The following USP40 variants were observed in gnomAD, a reference collection of about 807,000 sequenced individuals.
USP40 encodes the protein ubiquitin carboxyl-terminal hydrolase 40.
USP40 carries 143 observed loss-of-function variants against 166.2 expected under a neutral mutation model. The observed-to-expected ratio is 0.86, with a 90% CI of 0.75 to 0.99. The LOEUF (loss-of-function observed/expected upper bound fraction) is 0.99. Among genes scored for constraint, USP40 ranks in the 50% least tolerant of loss-of-function variants. The pLI is 0.00. For synonymous variants in USP40, 498 were observed against 524.0 expected (o/e 0.95, Z 0.68); for missense variants, 1,444 against 1,479.7 (o/e 0.98, Z 0.40).
Position 233,510,119 on chromosome 2 carries a change from G to C in USP40, c.2543C>G (p.Ala848Gly). The C allele has an allele frequency of 6.2e-7, 1 of 1,601,342 alleles. No homozygotes were observed. Among genetic ancestry groups the C allele is most frequent in the Non-Finnish European group, 8.5e-7 (1 of 1,173,422 alleles). Residue 848 changes from alanine to glycine, a missense_variant, in exon 21 of 32, where the codon GCA (alanine) becomes GGA (glycine). By Grantham distance (60) the Ala-to-Gly change is moderately conservative (BLOSUM62 0). Transcript: ENST00000678225. ...PSSSQLFLFF[A>G]MGSDVQPGTE... is the part of the protein sequence containing the mutation. The stretch of plus-strand genomic sequence containing the variant: ...CCCAGGTTGAACGTCACTCCCCATT[G>C]CAAAAAACAGGAACAACTAATAACA...
intron 21 of USP40, among the ~76,000 whole-genome samples, chr2:233,503,216 A>G (rs2066195948): frequency 6.6e-6 from 1 of 152,326 alleles, no homozygotes; most frequent in Non-Finnish European, 1.5e-5. Context: ...GAAATAACCC[A>G]GTCAGAAGAA....
chr2:233,559,668 G>T, intron 4 of USP40, 143 bp downstream of exon 4: 1 of 514,778 alleles, frequency 1.9e-6, no homozygotes, highest in South Asian at 4.5e-5. Context: ...TTTCTGGCTT[G>T]TAATTTTTTA....
In USP40 at chr2:233,500,001, ATT is replaced by A. The variant is rs1334560440; in HGVS notation, c.2614-88_2614-87del. ...AACACCCTTTTTGGACCCTAGGCCT[ATT>A]TAAGTCTGACTATATTTAATGATTC... is the stretch of plus-strand genomic sequence containing the variant. On this transcript the variant is annotated intron_variant, in intron 21 of 31. Transcript: ENST00000678225. 5 of 1,109,144 alleles carry A rather than the reference ATT, an allele frequency of 4.5e-6. No homozygotes were observed. In the South Asian group the frequency reaches 7.4e-5, roughly 16 times the overall value. 68.7% of individuals were successfully genotyped at this position (1,109,144 alleles called of 1,614,324 possible). A position where few individuals can be genotyped will look rare whatever the true frequency, so the allele number is the denominator to read the frequency against.
intron 19 of USP40, 166 bp downstream of exon 19, chr2:233,512,403 T>C (rs2066900119): frequency 5.2e-6 from 2 of 383,002 alleles, no homozygotes; most frequent in Non-Finnish European, 9.6e-6. Context: ...TGTTTGTTTC[T>C]GGTTAAGGAT....
intron 30 of USP40, among the ~76,000 whole-genome samples, chr2:233,484,153 G>A (rs1457655391): frequency 1.3e-5 from 2 of 152,170 alleles, no homozygotes; most frequent in African/African-American, 4.8e-5. Context: ...GCGAGATACT[G>A]TCTCAACAAC....
At chr2:233,536,946 A>G (rs981403536) in intron 10 of USP40, among the ~76,000 whole-genome samples, 1 of 151,984 alleles carries the variant, frequency 6.6e-6, no homozygotes, top group African/African-American at 2.4e-5. Context: ...AGTGCAGTGC[A>G]TGATCATAGC....
intron 21 of USP40, among the ~76,000 whole-genome samples, chr2:233,508,422 T>C (rs2066579615): frequency 6.6e-6 from 1 of 152,252 alleles, no homozygotes; most frequent in South Asian, 2.1e-4. Flanking sequence ...ATTTGGCTAA[T>C]TGCAGACCTG....
At chr2:233,538,837 G>T (rs930834607) in intron 10 of USP40, among the ~76,000 whole-genome samples, 1 of 152,000 alleles carries the variant, frequency 6.6e-6, no homozygotes, top group Non-Finnish European at 1.5e-5. Flanking sequence ...GGCAACATAC[G>T]GAGACACCAT....
chr2:233,525,372 A>G (rs1358412368), intron 14 of USP40, 106 bp downstream of exon 14: 3 of 698,886 alleles, frequency 4.3e-6, no homozygotes, highest in Non-Finnish European at 7.3e-6. Context: ...CTTAGTTAAG[A>G]AAGTAGTAGG....
chr2:233,565,542 G>T lies in USP40; in HGVS notation c.13C>A (p.Leu5Met). The T allele has an allele frequency of 6.5e-7, 1 of 1,536,902 alleles. No individual in the cohort carries two copies. The highest frequency in any genetic ancestry group is 8.7e-7 in the Non-Finnish European group (1 of 1,146,732). MFGDLFEEEYSTVSN... is the reference protein window; with the variant it reads MFGDMFEEEYSTVSN... ...ACAGTGGAATACTCCTCTTCAAACA[G>T]GTCCCCAAACATTGTGAAACTAAAT... The change falls in exon 2 of 32, where the codon CTG (leucine) becomes ATG (methionine). Residue 5 changes from leucine to methionine, a missense_variant. Physicochemically the swap from Leu to Met is conservative, Grantham distance 15. Coordinates refer to ENST00000678225, the MANE Select transcript of USP40 (RefSeq NM_001365479.2).
intron 26 of USP40, among the ~76,000 whole-genome samples, chr2:233,490,209 C>T (rs2065245307): frequency 7.0e-6 from 1 of 142,964 alleles, no homozygotes; most frequent in Non-Finnish European, 1.5e-5. Context: ...TGTCACCCAG[C>T]CTGAAGTGCA....
chr2:233,477,838 C>T (rs896964383), intron 31 of USP40, among the ~76,000 whole-genome samples: 14 of 152,258 alleles, frequency 9.2e-5, no homozygotes, highest in Non-Finnish European at 1.6e-4. Context: ...AGTGCACACA[C>T]ACCGCTGCAC....
intron 11 of USP40, 104 bp downstream of exon 11, chr2:233,533,366 AAAATGTTCC>A (rs1351827208): frequency 9.1e-7 from 1 of 1,098,454 alleles, no homozygotes; most frequent in Admixed American, 2.8e-5. Flanking sequence ...AAAATATTTA[AAAATGTTCC>A]AAGAGTAAAC....
In USP40 at chr2:233,529,532, T is replaced by C. The variant is rs2068323191; in HGVS notation, c.1472-20A>G. On this transcript the variant is annotated intron_variant, in intron 11 of 31. Transcript: ENST00000678225. ...CTCGAGCTGTGAACAAAATTTTTCA[T>C]TAACTTGTGTTGGCTAAATGAAATC... is the stretch of plus-strand genomic sequence containing the variant. The C allele has an allele frequency of 6.4e-7, 1 of 1,552,688 alleles. No individual in the cohort carries two copies. The highest frequency in any genetic ancestry group is 8.7e-7 in the Non-Finnish European group (1 of 1,145,334).
chr2:233,529,187 G>A lies in USP40; in HGVS notation c.1553+244C>T, dbSNP rs571899432. Among the ~76,000 whole-genome samples, 10 of 152,260 alleles carry A rather than the reference G, an allele frequency of 6.6e-5. No homozygotes were observed. In the East Asian group the frequency reaches 1.7e-3, roughly 26 times the overall value. On this transcript the variant is annotated intron_variant, in intron 12 of 31. Coordinates refer to ENST00000678225, the MANE Select transcript of USP40 (RefSeq NM_001365479.2). Reference sequence around the variant, plus strand: ...CTCACTGATTTCTCTACTCTTGTTAGGCTTCGATCCCTACTTAGCAATGGC... The same window carrying A: ...CTCACTGATTTCTCTACTCTTGTTAAGCTTCGATCCCTACTTAGCAATGGC...
At chr2:233,499,349 C>T (rs1312939622) in intron 22 of USP40, among the ~76,000 whole-genome samples, 2 of 152,156 alleles carry the variant, frequency 1.3e-5, no homozygotes, top group Admixed American at 6.5e-5. Context: ...TCATTCCTTT[C>T]TATGGCTGCA....
chr2:233,566,070 T>C (rs1321293787), intron 1 of USP40, among the ~76,000 whole-genome samples: 1 of 152,056 alleles, frequency 6.6e-6, no homozygotes, highest in Admixed American at 6.6e-5. Context: ...GATTATGACA[T>C]TTAAATTAAA....
intron 7 of USP40, 70 bp from the exon 8 acceptor site, chr2:233,549,299 T>C: frequency 1.1e-6 from 1 of 935,134 alleles, no homozygotes; most frequent in South Asian, 2.5e-5. Context: ...AAAGAAAAAA[T>C]AATTTCAACT....
At chr2:233,549,585 C>G (rs1390060494) in intron 7 of USP40, among the ~76,000 whole-genome samples, 1 of 152,052 alleles carries the variant, frequency 6.6e-6, no homozygotes, top group African/African-American at 2.4e-5. Flanking sequence ...AGAAACCCAT[C>G]TTCGTACAAT....
Sources: allele counts gnomAD v4.1 joint callset (sites outside exome capture counted in the v4.1 genomes callset), GRCh38; gene constraint gnomAD v4.1.1; transcripts MANE v1.5; gene names NCBI Gene and HGNC (gene_info 2026-07-23, HGNC 2026-07-21).